QSOX2: variants seen among roughly 807,000 people sequenced by gnomAD.
The protein encoded by QSOX2 is quiescin sulfhydryl oxidase 2, also known as sulfhydryl oxidase 2.
Under a neutral mutation model 61.7 loss-of-function variants are expected in QSOX2, and 46 were observed. The ratio of observed to expected loss-of-function variants is 0.75; its 90% CI spans 0.59 to 0.95. The LOEUF (loss-of-function observed/expected upper bound fraction) is 0.95. Among genes scored for constraint, QSOX2 ranks in the 40% least tolerant of loss-of-function variants. The pLI, the probability that QSOX2 is intolerant of heterozygous loss-of-function variation, is 0.00. For synonymous variants in QSOX2, 383 were observed against 388.4 expected (o/e 0.99, Z 0.16); for missense variants, 879 against 918.9 (o/e 0.96, Z 0.56).
Position 136,209,289 on chromosome 9 carries a change from G to C in QSOX2, c.1550-14C>G. The stretch of plus-strand genomic sequence containing the variant: ...CACTCAGATGGCCTAGGAAGAAAAG[G>C]AAGCGGGAGAGCCAGAGGGAAGGAG... On this transcript the variant is annotated splice_polypyrimidine_tract_variant and intron_variant, in intron 11 of 11. Coordinates refer to ENST00000358701, the MANE Select transcript of QSOX2 (RefSeq NM_181701.4). The surrounding 1 kb of genome is among the most constrained non-coding windows in gnomAD (Gnocchi z 5.6). The C allele has an allele frequency of 6.2e-7, 1 of 1,606,004 alleles. No homozygotes were observed. Among genetic ancestry groups the C allele is most frequent in the Non-Finnish European group, 8.5e-7 (1 of 1,174,698 alleles).
rs1391061117 is a variant in QSOX2 at position 136,207,521 on chromosome 9, A to C, written c.*1207T>G. On this transcript the variant is annotated 3_prime_UTR_variant, in exon 12 of 12. Coordinates refer to ENST00000358701, the MANE Select transcript of QSOX2 (RefSeq NM_181701.4). ...CCAGAAATAGTGTATTTGTTTGTTT[A>C]CATCTTCAGAGGCAACGGACCACTA... 1 of 152,376 alleles carries C rather than the reference A, an allele frequency of 6.6e-6. No individual in the cohort carries two copies. The highest frequency in any genetic ancestry group is 2.4e-5 in the African/African-American group (1 of 41,466). 9.4% of individuals were successfully genotyped at this position (152,376 alleles called of 1,614,324 possible).
Position 136,208,422 on chromosome 9 carries a change from G to A in QSOX2, c.*306C>T. ...GGGAAGACTATCTGGCCTGGACTCT[G>A]CACCCTCTTTTCACATCTAGAAGAG... On this transcript the variant is annotated 3_prime_UTR_variant, in exon 12 of 12. Transcript: ENST00000358701. 2 of 283,002 alleles carry A rather than the reference G, an allele frequency of 7.1e-6. No homozygotes were observed. Among genetic ancestry groups the A allele is most frequent in the South Asian group, 7.0e-5 (1 of 14,262 alleles). 17.5% of individuals were successfully genotyped at this position (283,002 alleles called of 1,614,324 possible).
chr9:136,224,054 G>C lies in QSOX2; in HGVS notation c.537C>G (p.His179Gln), dbSNP rs1178361935. 6.2e-7 allele frequency: 1 copy of C among 1,614,078 alleles called. No homozygotes were observed. Residue 179 changes from histidine (H) to glutamine (Q), a missense_variant, in exon 4 of 12, where the codon CAC becomes CAG. Physicochemically the swap from His to Gln is conservative, Grantham distance 24. Transcript: ENST00000358701. ...AGGCAGGGGGCCGGCTTCCTTCCGTGTGGTTCTGCAGGAAGTCAATCATCG... is the reference window on the plus strand; with the variant it reads ...AGGCAGGGGGCCGGCTTCCTTCCGTCTGGTTCTGCAGGAAGTCAATCATCG... Reference protein sequence around the residue: ...RQTMIDFLQNHTEGSRPPACP... With the variant: ...RQTMIDFLQNQTEGSRPPACP...
At chr9:136,233,238 T>C (rs1437330266) in intron 1 of QSOX2, among the ~76,000 whole-genome samples, 2 of 152,148 alleles carry the variant, frequency 1.3e-5, no homozygotes, top group African/African-American at 4.8e-5. Flanking sequence ...TGAGAAACAC[T>C]TTTCCAGATG....
At chr9:136,244,682 C>T (rs1227024722) in intron 1 of QSOX2, among the ~76,000 whole-genome samples, 1 of 152,196 alleles carries the variant, frequency 6.6e-6, no homozygotes. Flanking sequence ...CAACTCTAAC[C>T]TGTAGAGCAG....
At position 136,209,563 on chromosome 9, in the gene QSOX2, C is replaced by A; in HGVS notation, c.1550-288G>T. The A allele has an allele frequency of 1.0e-6, 1 of 985,410 alleles. No individual in the cohort carries two copies. The highest frequency in any genetic ancestry group is 1.2e-6 in the Non-Finnish European group (1 of 829,916). The allele number at this position is 985,410 out of a possible 1,614,324, so 61.0% of individuals were successfully genotyped here. On this transcript the variant is annotated intron_variant, in intron 11 of 11. Coordinates refer to ENST00000358701, the MANE Select transcript of QSOX2 (RefSeq NM_181701.4). This position sits in a 1 kb window ranked among gnomAD's most constrained non-coding sequence, Gnocchi z 5.6. The stretch of plus-strand genomic sequence containing the variant: ...TCGGCCTCCGCCACTTCCCAGACCA[C>A]ACCTGTCCCAAACCACCCAGCACTC...
At chr9:136,211,240 C>A (rs753425958) in intron 11 of QSOX2, 24 bp downstream of exon 11, 1 of 1,610,794 alleles carries the variant, frequency 6.2e-7, no homozygotes, top group Non-Finnish European at 8.5e-7. Context: ...CGTGCTGAGC[C>A]CCCCATGCCC....
In QSOX2 at chr9:136,208,002, C is replaced by T. The variant is rs1042578128; in HGVS notation, c.*726G>A. 1.3e-5 allele frequency: 2 copies of T among 152,260 alleles called. No homozygotes were observed. Among genetic ancestry groups the T allele is most frequent in the African/African-American group, 4.8e-5 (2 of 41,390 alleles). 9.4% of individuals were successfully genotyped at this position (152,260 alleles called of 1,614,324 possible). A position where few individuals can be genotyped will look rare whatever the true frequency, so the allele number is the denominator to read the frequency against. On this transcript the variant is annotated 3_prime_UTR_variant, in exon 12 of 12. Transcript: ENST00000358701. ...CCCCCAGGTCCACAGCCCAAGGCCT[C>T]TGGGGGTTATTTTCTGAAACGCAGC... is the stretch of plus-strand genomic sequence containing the variant.
chr9:136,230,664 T>C (rs1830321532), intron 1 of QSOX2, among the ~76,000 whole-genome samples: 1 of 152,268 alleles, frequency 6.6e-6, no homozygotes, highest in African/African-American at 2.4e-5. Flanking sequence ...AAATGTCTGC[T>C]GGTTGTTTCT....
At chr9:136,242,459 T>A (rs912592382) in intron 1 of QSOX2, among the ~76,000 whole-genome samples, 1 of 152,258 alleles carries the variant, frequency 6.6e-6, no homozygotes, top group Non-Finnish European at 1.5e-5. Flanking sequence ...CCATGGCCTG[T>A]GTGCCCCCAG....
intron 10 of QSOX2, among the ~76,000 whole-genome samples, chr9:136,214,539 C>T (rs1478561141): frequency 6.6e-6 from 1 of 152,224 alleles, no homozygotes; most frequent in African/African-American, 2.4e-5. Flanking sequence ...CAGCATGGAG[C>T]TCAGGGCCTT....
In QSOX2 at chr9:136,221,179, C is replaced by T. The variant is rs1588635492; in HGVS notation, c.821+617G>A. Among the ~76,000 whole-genome samples the T allele has an allele frequency of 6.6e-6, 1 of 150,760 alleles. No homozygotes were observed. Among genetic ancestry groups the T allele is most frequent in the Non-Finnish European group, 1.5e-5 (1 of 67,896 alleles). ...GAAGGGCTTATCCTCATGAGGGGCA[C>T]ACGGGCACCCCACGCAGGGGCAAAG... is the stretch of plus-strand genomic sequence containing the variant. On this transcript the variant is annotated intron_variant, in intron 6 of 11. Transcript: ENST00000358701. This position sits in a 1 kb window ranked among gnomAD's most constrained non-coding sequence, Gnocchi z 4.5.
At chr9:136,233,007 G>A (rs1283778063) in intron 1 of QSOX2, among the ~76,000 whole-genome samples, 2 of 151,936 alleles carry the variant, frequency 1.3e-5, no homozygotes, top group Non-Finnish European at 2.9e-5. Context: ...TTTTATGCAG[G>A]CGCAAGTGCC....
At position 136,209,415 on chromosome 9, in the gene QSOX2, C is replaced by A; in HGVS notation, c.1550-140G>T. The A allele has an allele frequency of 6.7e-7, 1 of 1,493,508 alleles. No homozygotes were observed. The highest frequency in any genetic ancestry group is 2.3e-5 in the East Asian group (1 of 43,028). 92.5% of individuals were successfully genotyped at this position (1,493,508 alleles called of 1,614,324 possible). A position where few individuals can be genotyped will look rare whatever the true frequency, so the allele number is the denominator to read the frequency against. The stretch of plus-strand genomic sequence containing the variant: ...CCAGGGTCCTGCCAGGCCTCCCTCC[C>A]TGCCCTTCCCACCACCCGTCCCTTG... On this transcript the variant is annotated intron_variant, in intron 11 of 11. Coordinates refer to ENST00000358701, the MANE Select transcript of QSOX2 (RefSeq NM_181701.4). This position sits in a 1 kb window ranked among gnomAD's most constrained non-coding sequence, Gnocchi z 5.6.
Position 136,221,886 on chromosome 9 carries a change from C to T in QSOX2, c.731G>A (p.Gly244Glu). ...ESIVVTRALD[G>E]DKAFLEKLGV... Reference sequence around the variant, plus strand: ...AAGTTTCTCCAGAAATGCTTTGTCCCCGTCCAGTGCTCGGGTCACCACGAT... The same window carrying T: ...AAGTTTCTCCAGAAATGCTTTGTCCTCGTCCAGTGCTCGGGTCACCACGAT... The change falls in exon 6 of 12, where the codon GGG becomes GAG. Residue 244 changes from glycine to glutamate, a missense_variant. By Grantham distance (98) the Gly-to-Glu change is moderately conservative. Transcript: ENST00000358701. This position sits in a 1 kb window ranked among gnomAD's most constrained non-coding sequence, Gnocchi z 4.5. 1.9e-6 allele frequency: 3 copies of T among 1,612,478 alleles called. No individual in the cohort carries two copies.
chr9:136,232,917 CAAAAAAAA>C lies in QSOX2; in HGVS notation c.329-6051_329-6044del, dbSNP rs60814748. 2.6e-4 allele frequency among the ~76,000 whole-genome samples: 12 copies of C among 45,518 alleles called. 1 individual carries two copies. The South Asian group carries it at 4.8e-3, about 18-fold the overall frequency. The allele number at this position is 45,518 out of a possible 152,430, so 29.9% of individuals were successfully genotyped here. ...GCCTGGGTAGAGTGAGAACCTGTCTCAAAAAAAAAAAAAAAAAAAAAGAAAAAAGAAAA... is the reference window on the plus strand; with the variant it reads ...GCCTGGGTAGAGTGAGAACCTGTCTCAAAAAAAAAAAAAGAAAAAAGAAAA... On this transcript the variant is annotated intron_variant, in intron 1 of 11. Coordinates refer to ENST00000358701, the MANE Select transcript of QSOX2 (RefSeq NM_181701.4).
At chr9:136,224,136 G>T in intron 3 of QSOX2, 24 bp from the exon 4 acceptor site, 1 of 1,590,494 alleles carries the variant, frequency 6.3e-7, no homozygotes, top group Non-Finnish European at 8.6e-7. Flanking sequence ...ACCAGGGTCA[G>T]AGCTGTGTGT....
chr9:136,219,922 A>G (rs1406122058), intron 6 of QSOX2, among the ~76,000 whole-genome samples: 1 of 152,262 alleles, frequency 6.6e-6, no homozygotes, highest in East Asian at 1.9e-4. Flanking sequence ...CAGGCCTGGA[A>G]TGGGCCACCT....
intron 2 of QSOX2, among the ~76,000 whole-genome samples, chr9:136,225,998 G>A (rs940074358): frequency 5.9e-5 from 9 of 152,172 alleles, no homozygotes; most frequent in Admixed American, 1.3e-4. Context: ...CACCGGTGCC[G>A]CCCAGCGTGG....
Sources: gnomAD v4.1 joint callset for allele counts (sites outside exome capture counted in the v4.1 genomes callset) on GRCh38, gnomAD v4.1.1 for gene constraint, Gnocchi (gnomAD v3.1) non-coding constraint, MANE v1.5 for transcripts, NCBI Gene and HGNC (gene_info 2026-07-23, HGNC 2026-07-21) for gene names.